Variants in CRYM observed in about 807,000 individuals in gnomAD.
The protein encoded by CRYM is ketimine reductase mu-crystallin.
Under a neutral mutation model 32.9 loss-of-function variants are expected in CRYM, and 18 were observed. The observed-to-expected ratio is 0.55, with a 90% CI of 0.38 to 0.81. CRYM has a LOEUF of 0.81. Among genes scored for constraint, CRYM ranks in the 30% least tolerant of loss-of-function variants. The probability of loss-of-function intolerance (pLI) is 0.00; values close to 1 mark genes in which losing one functional copy is unlikely to be tolerated. For missense variants in CRYM, 337 were observed against 393.5 expected (o/e 0.86, Z 1.21); for synonymous variants, 153 against 152.4 (o/e 1.00, Z -0.03).
At chr16:21,298,843 A>C (rs1053017269) in intron 1 of CRYM, among the ~76,000 whole-genome samples, 1 of 152,242 alleles carries the variant, frequency 6.6e-6, no homozygotes, top group African/African-American at 2.4e-5. Flanking sequence ...TACATGCTTT[A>C]AGACTAACAT....
chr16:21,262,946 C>T (rs913655417), intron 5 of CRYM, among the ~76,000 whole-genome samples: 18 of 152,218 alleles, frequency 1.2e-4, no homozygotes, highest in African/African-American at 1.4e-4. Flanking sequence ...ACAAAAATCC[C>T]GAAACAGAGA....
intron 7 of CRYM, 38 bp downstream of exon 7, chr16:21,261,216 G>T: frequency 6.6e-7 from 1 of 1,505,568 alleles, no homozygotes. Flanking sequence ...TGCCTTGTGC[G>T]CTAGTTGGAT....
Position 21,277,398 on chromosome 16 carries a change from C to A in CRYM, c.324+33G>T, listed in dbSNP as rs765021453. On this transcript the variant is annotated intron_variant, in intron 2 of 7. Transcript: ENST00000572914. The surrounding 1 kb of genome is among the most constrained non-coding windows in gnomAD (Gnocchi z 4.2). Reference sequence around the variant, plus strand: ...TTGAGCTTCAATCTGGGCCCAGGGGCCCCATTCCACCCCGGGACAGGAAGT... The same window carrying A: ...TTGAGCTTCAATCTGGGCCCAGGGGACCCATTCCACCCCGGGACAGGAAGT... 9.3e-6 allele frequency: 15 copies of A among 1,609,456 alleles called. No homozygotes were observed. In the South Asian group the frequency reaches 1.6e-4, roughly 18 times the overall value.
At chr16:21,281,594 C>A (rs1187287529), upstream of CRYM, among the ~76,000 whole-genome samples, 1 of 152,188 alleles carries the variant, frequency 6.6e-6, no homozygotes, top group African/African-American at 2.4e-5. Flanking sequence ...TAACCGACCC[C>A]TTGTTCCACC....
chr16:21,265,218 CCACCAGTCCCATG>C (rs1255679725), intron 5 of CRYM, among the ~76,000 whole-genome samples: 4 of 152,164 alleles, frequency 2.6e-5, no homozygotes, highest in Non-Finnish European at 5.9e-5. Flanking sequence ...CCCAGTCTGA[CCACCAGTCCCATG>C]CAGCCTGAGA....
At chr16:21,286,862 G>A (rs1462100674) in intron 1 of CRYM, among the ~76,000 whole-genome samples, 4 of 151,996 alleles carry the variant, frequency 2.6e-5, no homozygotes, top group African/African-American at 9.7e-5. Flanking sequence ...AGGCCAAGGC[G>A]GGTGGATCAT....
intron 1 of CRYM, among the ~76,000 whole-genome samples, chr16:21,284,847 C>G (rs986984870): frequency 6.6e-6 from 1 of 152,100 alleles, no homozygotes; most frequent in African/African-American, 2.4e-5. Context: ...TTGAGAAATC[C>G]CCAAACTGCT....
chr16:21,276,316 C>G (rs1320564913), intron 2 of CRYM, among the ~76,000 whole-genome samples: 3 of 152,130 alleles, frequency 2.0e-5, no homozygotes, highest in Non-Finnish European at 4.4e-5. Flanking sequence ...TTGGGTTCTA[C>G]CCCCCTAGGG....
chr16:21,297,901 C>G (rs1305032841), intron 1 of CRYM, among the ~76,000 whole-genome samples: 1 of 152,184 alleles, frequency 6.6e-6, no homozygotes, highest in African/African-American at 2.4e-5. Context: ...CTAAAGCAAA[C>G]TGTATCACAG....
intron 5 of CRYM, among the ~76,000 whole-genome samples, chr16:21,264,764 TTGTC>T (rs2093360802): frequency 6.6e-6 from 1 of 152,078 alleles, no homozygotes; most frequent in Non-Finnish European, 1.5e-5. Flanking sequence ...ATAAGGGAGA[TTGTC>T]TGTGGCTGGA....
rs536476997 is a variant in CRYM at position 21,285,550 on chromosome 16, T to C, written c.-192-6590A>G. On this transcript the variant is annotated intron_variant, in intron 1 of 9. Transcript: ENST00000219599. ...AGGGCTTTTTATCAGCACTATAAAA[T>C]TGTAAAGCTAATCTCAATTCCTCCA... 2.6e-5 allele frequency among the ~76,000 whole-genome samples: 4 copies of C among 152,346 alleles called. No homozygotes were observed. In the East Asian group the frequency reaches 5.8e-4, roughly 22 times the overall value.
chr16:21,286,363 G>A (rs909000500), intron 1 of CRYM, among the ~76,000 whole-genome samples: 6 of 151,046 alleles, frequency 4.0e-5, no homozygotes, highest in African/African-American at 1.5e-4. Context: ...GATTACAGGC[G>A]CCGGCCACCA....
At chr16:21,275,775 T>C (rs927515968) in intron 2 of CRYM, among the ~76,000 whole-genome samples, 181 bp from the exon 3 acceptor site, 8 of 152,222 alleles carry the variant, frequency 5.3e-5, no homozygotes, top group African/African-American at 1.9e-4. Context: ...ACAAACACTT[T>C]AATCTTTAAG....
chr16:21,291,820 CT>C (rs1960663781), intron 1 of CRYM, among the ~76,000 whole-genome samples: 1 of 151,908 alleles, frequency 6.6e-6, no homozygotes, highest in African/African-American at 2.4e-5. Flanking sequence ...AATATCAGCC[CT>C]TTGTGTAGTA....
chr16:21,291,276 GA>G (rs1349333657), intron 1 of CRYM, among the ~76,000 whole-genome samples: 20 of 152,254 alleles, frequency 1.3e-4, no homozygotes, highest in African/African-American at 4.6e-4. Flanking sequence ...TGATATCCAA[GA>G]GGTGAATATG....
intron 1 of CRYM, among the ~76,000 whole-genome samples, chr16:21,294,755 C>T (rs1225536342): frequency 2.7e-5 from 4 of 147,480 alleles, no homozygotes; most frequent in African/African-American, 7.6e-5. Flanking sequence ...AGTACAGTGG[C>T]GCGATCTCGA....
chr16:21,273,973 C>T (rs904251239), intron 3 of CRYM, among the ~76,000 whole-genome samples: 6 of 152,152 alleles, frequency 3.9e-5, no homozygotes, highest in African/African-American at 1.4e-4. Context: ...ATACAATTAC[C>T]AGATTAATCC....
chr16:21,259,052 T>C (rs984859455), intron 7 of CRYM, among the ~76,000 whole-genome samples: 3 of 152,048 alleles, frequency 2.0e-5, no homozygotes, highest in African/African-American at 7.2e-5. Context: ...CACCAACAAA[T>C]TGTGCATCTT....
chr16:21,263,043 A>AT (rs929172887), intron 5 of CRYM, among the ~76,000 whole-genome samples: 1 of 151,826 alleles, frequency 6.6e-6, no homozygotes, highest in Non-Finnish European at 1.5e-5. Context: ...TTTAATATCT[A>AT]TTTTTTTCTT....
Sources: gnomAD v4.1 joint callset for allele counts (sites outside exome capture counted in the v4.1 genomes callset) on GRCh38, gnomAD v4.1.1 for gene constraint, Gnocchi (gnomAD v3.1) non-coding constraint, MANE v1.5 for transcripts, NCBI Gene and HGNC (gene_info 2026-07-23, HGNC 2026-07-21) for gene names.